Variants in NKAIN2 observed in about 807,000 individuals in gnomAD.
NKAIN2 encodes sodium/potassium-transporting ATPase subunit beta-1-interacting protein 2.
In NKAIN2, 14 loss-of-function variants were observed where a neutral mutation model predicts 32.6. The ratio of observed to expected loss-of-function variants is 0.43; its 90% CI spans 0.28 to 0.67. The LOEUF is 0.67. Ranked by LOEUF, NKAIN2 falls within the 30% of genes least tolerant of loss-of-function variation. NKAIN2 has a pLI of 0.17. For synonymous variants in NKAIN2, 80 were observed against 87.2 expected (o/e 0.92, Z 0.46); for missense variants, 198 against 258.3 (o/e 0.77, Z 1.60).
chr6:124,348,271 GGGGGTCA>G (rs893302794), intron 2 of NKAIN2, among the ~76,000 whole-genome samples: 105 of 150,742 alleles, frequency 7.0e-4, no homozygotes, highest in African/African-American at 2.5e-3. Flanking sequence ...CAGGCTGCTC[GGGGGTCA>G]GGGGTCAGGG....
At chr6:124,806,952 A>T (rs1031430371) in intron 5 of NKAIN2, among the ~76,000 whole-genome samples, 3 of 152,210 alleles carry the variant, frequency 2.0e-5, no homozygotes, top group African/African-American at 4.8e-5. Flanking sequence ...TCCTAAATAT[A>T]TATGCATCCA....
At chr6:124,740,670 A>G (rs1433715048) in intron 4 of NKAIN2, among the ~76,000 whole-genome samples, 2 of 151,914 alleles carry the variant, frequency 1.3e-5, no homozygotes, top group Non-Finnish European at 2.9e-5. Context: ...ATGGGTTAGC[A>G]AGGGCAAAGT....
chr6:124,100,558 A>G (rs926510707), intron 1 of NKAIN2, among the ~76,000 whole-genome samples: 1 of 152,230 alleles, frequency 6.6e-6, no homozygotes, highest in Non-Finnish European at 1.5e-5. Context: ...CCTGTAAAGG[A>G]CACAACTCTT....
chr6:124,154,101 T>C (rs1230597458), intron 1 of NKAIN2, among the ~76,000 whole-genome samples: 1 of 151,838 alleles, frequency 6.6e-6, no homozygotes, highest in Non-Finnish European at 1.5e-5. Context: ...TTGTAAATTG[T>C]ATTGACACGG....
intron 3 of NKAIN2, among the ~76,000 whole-genome samples, chr6:124,576,007 T>C (rs995880312): frequency 6.6e-6 from 1 of 152,244 alleles, no homozygotes; most frequent in Non-Finnish European, 1.5e-5. Context: ...AACTGAACTG[T>C]TGAGGTAGAA....
At chr6:124,271,922 T>C (rs1224646464) in intron 1 of NKAIN2, among the ~76,000 whole-genome samples, 2 of 152,092 alleles carry the variant, frequency 1.3e-5, no homozygotes, top group Admixed American at 6.5e-5. Flanking sequence ...TTGAGAGAGA[T>C]GATTTAGGGT....
At chr6:123,868,192 T>A (rs983578671) in intron 1 of NKAIN2, among the ~76,000 whole-genome samples, 1 of 152,176 alleles carries the variant, frequency 6.6e-6, no homozygotes, top group Non-Finnish European at 1.5e-5. Context: ...ATTGTGGACT[T>A]CCTTCAGTCT....
chr6:124,662,885 C>T (rs1324591943), intron 4 of NKAIN2, among the ~76,000 whole-genome samples: 2 of 152,038 alleles, frequency 1.3e-5, no homozygotes, highest in Non-Finnish European at 2.9e-5. Context: ...TCCACGTCAC[C>T]TAGAATATTG....
Position 123,804,167 on chromosome 6 carries a change from G to C in NKAIN2, c.-34G>C. 2 of 1,606,336 alleles carry C rather than the reference G, an allele frequency of 1.2e-6. No homozygotes were observed. Among genetic ancestry groups the C allele is most frequent in the Non-Finnish European group, 1.7e-6 (2 of 1,173,102 alleles). On this transcript the variant is annotated 5_prime_UTR_variant, in exon 1 of 7. Coordinates refer to ENST00000368417, the MANE Select transcript of NKAIN2 (RefSeq NM_001040214.3). ...TGGGGGCTCGACGGTGGCCGACGTG[G>C]GACAGTCTGGCTGTGGCAGGGGTCT...
chr6:123,932,983 A>G (rs1280258902), intron 1 of NKAIN2, among the ~76,000 whole-genome samples: 2 of 152,062 alleles, frequency 1.3e-5, no homozygotes, highest in East Asian at 1.9e-4. Flanking sequence ...GCCTCTATGA[A>G]TTAAACCCCA....
chr6:124,120,642 T>C (rs969496809), intron 1 of NKAIN2, among the ~76,000 whole-genome samples: 4 of 152,088 alleles, frequency 2.6e-5, no homozygotes, highest in African/African-American at 7.2e-5. Flanking sequence ...GCAGTAAGAG[T>C]TGGAAACATA....
At chr6:124,069,856 G>T (rs929890180) in intron 1 of NKAIN2, among the ~76,000 whole-genome samples, 1 of 152,152 alleles carries the variant, frequency 6.6e-6, no homozygotes, top group African/African-American at 2.4e-5. Context: ...ATTCCAGATG[G>T]TCTCTTATAA....
chr6:124,133,278 A>G (rs1786570303), intron 1 of NKAIN2, among the ~76,000 whole-genome samples: 1 of 152,198 alleles, frequency 6.6e-6, no homozygotes, highest in Non-Finnish European at 1.5e-5. Context: ...TACTTGGGAC[A>G]TGAACAGTCC....
intron 1 of NKAIN2, among the ~76,000 whole-genome samples, chr6:124,159,949 C>G (rs1433438160): frequency 6.6e-6 from 1 of 152,124 alleles, no homozygotes; most frequent in Non-Finnish European, 1.5e-5. Flanking sequence ...CCAGTGTTTG[C>G]CCTCCCTTTT....
intron 3 of NKAIN2, among the ~76,000 whole-genome samples, chr6:124,418,785 T>A (rs1024908098): frequency 1.3e-5 from 2 of 151,732 alleles, no homozygotes; most frequent in Non-Finnish European, 2.9e-5. Context: ...ATTGTTGATG[T>A]CCTGTTAGCA....
At chr6:123,953,746 G>A (rs1343885913) in intron 1 of NKAIN2, among the ~76,000 whole-genome samples, 1 of 152,184 alleles carries the variant, frequency 6.6e-6, no homozygotes, top group African/African-American at 2.4e-5. Context: ...TCCCATGGTG[G>A]TGCTTGCAGG....
chr6:124,500,193 T>C (rs1483619390), intron 3 of NKAIN2, among the ~76,000 whole-genome samples: 5 of 152,112 alleles, frequency 3.3e-5, no homozygotes, highest in Admixed American at 3.3e-4. Context: ...ATGAAATGAG[T>C]TAGGAGCCAA....
intron 3 of NKAIN2, among the ~76,000 whole-genome samples, chr6:124,401,118 A>C (rs1026815925): frequency 6.6e-6 from 1 of 152,166 alleles, no homozygotes; most frequent in African/African-American, 2.4e-5. Context: ...TTTTGCTGTC[A>C]GTATATATGA....
At chr6:124,163,523 A>G (rs1788380610) in intron 1 of NKAIN2, among the ~76,000 whole-genome samples, 1 of 60,006 alleles carries the variant, frequency 1.7e-5, no homozygotes, top group South Asian at 8.0e-4. Flanking sequence ...TCTAAACAGC[A>G]AAGTATCCCA....
Sources: allele counts gnomAD v4.1 joint callset (sites outside exome capture counted in the v4.1 genomes callset), GRCh38; gene constraint gnomAD v4.1.1; transcripts MANE v1.5; gene names NCBI Gene and HGNC (gene_info 2026-07-23, HGNC 2026-07-21).